NEK1: variants seen among roughly 807,000 people sequenced by gnomAD.
NEK1 encodes the protein serine/threonine-protein kinase Nek1.
Under a neutral mutation model 182.1 loss-of-function variants are expected in NEK1, and 137 were observed. The ratio of observed to expected loss-of-function variants is 0.75; its 90% CI spans 0.65 to 0.87. NEK1 has a LOEUF of 0.87. Among genes scored for constraint, NEK1 ranks in the 40% least tolerant of loss-of-function variants. NEK1 has a pLI of 0.00. For missense variants in NEK1, 1,391 were observed against 1,494.4 expected, an observed-to-expected ratio of 0.93 and a Z score of 1.14; for synonymous variants, 513 against 492.2, an observed-to-expected ratio of 1.04 and a Z score of -0.56.
At chr4:169,399,279 A>G (rs1731236006) in intron 35 of NEK1, among the ~76,000 whole-genome samples, 1 of 147,054 alleles carries the variant, frequency 6.8e-6, no homozygotes, top group African/African-American at 2.5e-5. Context: ...CACATCCTTG[A>G]TAAGAACTAT....
intron 19 of NEK1, among the ~76,000 whole-genome samples, chr4:169,510,404 A>G (rs1017341652): frequency 6.6e-6 from 1 of 152,186 alleles, no homozygotes; most frequent in African/African-American, 2.4e-5. Context: ...TCAAGTCAGC[A>G]AACTAGGAAT....
chr4:169,404,069 G>C (rs1732155656), intron 32 of NEK1, among the ~76,000 whole-genome samples: 1 of 48,884 alleles, frequency 2.0e-5, no homozygotes, highest in African/African-American at 8.6e-5. Flanking sequence ...AAACTTAGCA[G>C]CTTGGAAGAA....
At position 169,576,937 on chromosome 4, in the gene NEK1, T is replaced by C; in HGVS notation, c.1011A>G (p.Lys337=). 6.2e-7 allele frequency: 1 copy of C among 1,602,792 alleles called. No individual in the cohort carries two copies. Among genetic ancestry groups the C allele is most frequent in the Non-Finnish European group, 8.5e-7 (1 of 1,174,372 alleles). ...KKLHEKKPLQ[K]HKQAHQTPEK... ...TGTAACATGATCATACCTGTTTATG[T>C]TTTTGCAGTGGTTTCTTTTCGTGTA... Residue 337 remains lysine (K), a synonymous_variant, in exon 12 of 36, where the codon AAA becomes AAG. Coordinates refer to ENST00000507142, the MANE Select transcript of NEK1 (RefSeq NM_001199397.3).
chr4:169,471,831 G>A (rs1462476331), intron 26 of NEK1, among the ~76,000 whole-genome samples: 1 of 152,142 alleles, frequency 6.6e-6, no homozygotes, highest in African/African-American at 2.4e-5. Flanking sequence ...GCCCAGAGAG[G>A]AGGAATCTAG....
At chr4:169,410,018 G>GTTA (rs1260531336) in intron 31 of NEK1, among the ~76,000 whole-genome samples, 1 of 152,060 alleles carries the variant, frequency 6.6e-6, no homozygotes, top group Non-Finnish European at 1.5e-5. Context: ...TTTGAAACAG[G>GTTA]TTATTCATCT....
chr4:169,606,507 A>T (rs1341662471), intron 2 of NEK1, among the ~76,000 whole-genome samples: 1 of 152,104 alleles, frequency 6.6e-6, no homozygotes, highest in African/African-American at 2.4e-5. Context: ...AATTGGAAGT[A>T]CTGGGGCATC....
At chr4:169,494,899 T>C (rs1750867277) in intron 23 of NEK1, among the ~76,000 whole-genome samples, 1 of 152,244 alleles carries the variant, frequency 6.6e-6, no homozygotes, top group African/African-American at 2.4e-5. Flanking sequence ...ATGTCTTCTT[T>C]TGAGAAGCGT....
At chr4:169,565,241 C>G (rs922018089) in intron 12 of NEK1, among the ~76,000 whole-genome samples, 1 of 152,144 alleles carries the variant, frequency 6.6e-6, no homozygotes, top group African/African-American at 2.4e-5. Context: ...TATTTCCCAT[C>G]TGGACTCAGG....
chr4:169,599,310 C>A, intron 4 of NEK1, 113 bp from the exon 5 acceptor site: 1 of 684,856 alleles, frequency 1.5e-6, no homozygotes, highest in Non-Finnish European at 2.4e-6. Flanking sequence ...AAAACAGGAC[C>A]ATACTCAAAA....
chr4:169,552,884 T>C (rs1333043027), intron 18 of NEK1, among the ~76,000 whole-genome samples: 2 of 152,050 alleles, frequency 1.3e-5, no homozygotes, highest in Non-Finnish European at 2.9e-5. Flanking sequence ...TCTAAAAAAA[T>C]ATGCACGGGT....
intron 5 of NEK1, among the ~76,000 whole-genome samples, chr4:169,593,450 T>C (rs1768879868): frequency 6.6e-6 from 1 of 152,132 alleles, no homozygotes; most frequent in Admixed American, 6.5e-5. Flanking sequence ...AGTAATGCCC[T>C]GAGTTGAAAA....
chr4:169,487,657 A>G (rs1377316877), intron 23 of NEK1, among the ~76,000 whole-genome samples: 1 of 152,160 alleles, frequency 6.6e-6, no homozygotes, highest in Non-Finnish European at 1.5e-5. Flanking sequence ...AGAATGATTT[A>G]TATATTTTGG....
At chr4:169,452,138 T>C (rs563426371) in intron 27 of NEK1, among the ~76,000 whole-genome samples, 81 of 152,320 alleles carry the variant, frequency 5.3e-4, no homozygotes, top group African/African-American at 1.6e-3. Context: ...AATCCCTGAA[T>C]AGACCAATAA....
rs1245939720 is a variant in NEK1 at position 169,426,215 on chromosome 4, T to C, written c.2905A>G (p.Ile969Val). The change falls in exon 30 of 36, where the codon ATT becomes GTT. Residue 969 changes from isoleucine to valine, a missense_variant. Around this residue, in one of 5 missense-constraint regions of NEK1, gnomAD observed 1,216 missense variants for 1,277.6 expected, o/e 0.95. Transcript: ENST00000507142. ...KETQSADRIT[I>V]QENEVSEDGV... ...TCTTCAGAAACTTCATTTTCCTGAA[T>C]GGTGATCCTATCTGCCGACCTGCCA... The C allele has an allele frequency of 1.2e-6, 2 of 1,613,352 alleles. No individual in the cohort carries two copies. Among genetic ancestry groups the C allele is most frequent in the Non-Finnish European group, 1.7e-6 (2 of 1,179,702 alleles).
chr4:169,421,595 G>A (rs571214734), intron 31 of NEK1, among the ~76,000 whole-genome samples: 10 of 152,064 alleles, frequency 6.6e-5, no homozygotes, highest in Middle Eastern at 3.4e-3. Context: ...TTCCCCCTTC[G>A]TGCCCACGCT....
In NEK1 at chr4:169,507,674, C is replaced by CATTTTCTCTAAGAAAATTTTCTTAGAG. The variant is rs1753538883; in HGVS notation, c.1911+40_1911+41insCTCTAAGAAAATTTTCTTAGAGAAAAT. On this transcript the variant is annotated intron_variant, in intron 22 of 35. Coordinates refer to ENST00000507142, the MANE Select transcript of NEK1 (RefSeq NM_001199397.3). ...GAACACAATTTGCTATCTCAGCTTT[C>CATTTTCTCTAAGAAAATTTTCTTAGAG]AATTTTCTCTAAGAAAACCTGTATC... The CATTTTCTCTAAGAAAATTTTCTTAGAG allele has an allele frequency of 1.3e-5, 19 of 1,468,948 alleles. 2 individuals carry two copies. The African/African-American group carries it at 2.2e-4, about 17-fold the overall frequency. The allele number at this position is 1,468,948 out of a possible 1,614,324, so 91.0% of individuals were successfully genotyped here.
At chr4:169,551,810 C>G (rs1285763644) in intron 18 of NEK1, among the ~76,000 whole-genome samples, 17 of 151,778 alleles carry the variant, frequency 1.1e-4, no homozygotes, top group African/African-American at 2.4e-5. Flanking sequence ...AAAAAAAAGC[C>G]TCTTGTGATT....
intron 31 of NEK1, among the ~76,000 whole-genome samples, chr4:169,417,617 G>A (rs1734767645): frequency 1.3e-5 from 2 of 152,190 alleles, no homozygotes; most frequent in Non-Finnish European, 2.9e-5. Flanking sequence ...GGAAGCAAAT[G>A]CAAACAGAGA....
At chr4:169,522,393 C>G (rs1319466824) in intron 19 of NEK1, among the ~76,000 whole-genome samples, 1 of 152,154 alleles carries the variant, frequency 6.6e-6, no homozygotes, top group Non-Finnish European at 1.5e-5. Context: ...TCATTTCTCA[C>G]ACAAATTGTG....
Sources: allele counts gnomAD v4.1 joint callset (sites outside exome capture counted in the v4.1 genomes callset), GRCh38; gene constraint gnomAD v4.1.1; regional missense constraint gnomAD v4.1.1; transcripts MANE v1.5; gene names NCBI Gene and HGNC (gene_info 2026-07-23, HGNC 2026-07-21).